The following ZEB1 variants were observed in gnomAD, a reference collection of about 807,000 sequenced individuals.
ZEB1 encodes zinc finger E-box-binding homeobox 1.
Under a neutral mutation model 84.9 loss-of-function variants are expected in ZEB1, and 21 were observed. That is an observed-to-expected ratio of 0.25 (90% CI 0.18 to 0.36). ZEB1 has a LOEUF of 0.36. ZEB1 is among the 10% of genes least tolerant of loss of function. The probability of loss-of-function intolerance (pLI) is 1.00; values close to 1 mark genes in which losing one functional copy is unlikely to be tolerated. For missense variants in ZEB1, 1,104 were observed against 1,330.2 expected (o/e 0.83, Z 2.65); for synonymous variants, 420 against 471.1 (o/e 0.89, Z 1.41).
Position 31,460,915 on chromosome 10 carries a change from ATTAT to A in ZEB1, c.59-118_59-115del, listed in dbSNP as rs2061732820. The A allele has an allele frequency of 3.5e-6, 3 of 845,338 alleles. No homozygotes were observed. The Admixed American group carries it at 6.3e-5, about 18-fold the overall frequency. The allele number at this position is 845,338 out of a possible 1,614,324, so 52.4% of individuals were successfully genotyped here. A position where few individuals can be genotyped will look rare whatever the true frequency, so the allele number is the denominator to read the frequency against. ...GTTGTCAAATAAATTAGTTGTTAAC[ATTAT>A]TTAAAAGAAAACATTGAATTACAAT... On this transcript the variant is annotated intron_variant, in intron 1 of 8. Transcript: ENST00000424869.
intron 1 of ZEB1, among the ~76,000 whole-genome samples, chr10:31,437,112 A>G (rs1334343754): frequency 1.3e-5 from 2 of 152,166 alleles, no homozygotes; most frequent in Non-Finnish European, 2.9e-5. Flanking sequence ...GAAACAAAAT[A>G]CTCAATTTTA....
At chr10:31,343,933 T>C (rs1245763535) in intron 1 of ZEB1, among the ~76,000 whole-genome samples, 1 of 152,118 alleles carries the variant, frequency 6.6e-6, no homozygotes, top group African/African-American at 2.4e-5. Context: ...TTGGGGTCAA[T>C]TTGGCATAAT....
chr10:31,451,685 T>G (rs924771151), intron 1 of ZEB1, among the ~76,000 whole-genome samples: 4 of 152,194 alleles, frequency 2.6e-5, no homozygotes, highest in Non-Finnish European at 5.9e-5. Context: ...GGACTTTGCT[T>G]TTTCACTGTT....
At position 31,336,051 on chromosome 10, in the gene ZEB1, G is replaced by A. The variant is rs78850738; in HGVS notation, c.58+16759G>A. 7.0e-4 allele frequency among the ~76,000 whole-genome samples: 107 copies of A among 152,174 alleles called. 2 individuals carry two copies. The East Asian group carries it at 0.013, about 18-fold the overall frequency. On this transcript the variant is annotated intron_variant, in intron 1 of 8. Coordinates refer to ENST00000424869, the MANE Select transcript of ZEB1 (RefSeq NM_001174096.2). ...TTTATGGAGAAATTATGAAACATTGGCAGACATAAAGATCTAATTAAATAG... is the reference window on the plus strand; with the variant it reads ...TTTATGGAGAAATTATGAAACATTGACAGACATAAAGATCTAATTAAATAG...
At chr10:31,421,346 C>G (rs1167383176) in intron 1 of ZEB1, among the ~76,000 whole-genome samples, 2 of 152,024 alleles carry the variant, frequency 1.3e-5, no homozygotes, top group Admixed American at 1.3e-4. Flanking sequence ...TTGGGACAAC[C>G]ATGTGGTATT....
intron 3 of ZEB1, among the ~76,000 whole-genome samples, chr10:31,501,831 C>T (rs888186998): frequency 1.3e-5 from 2 of 152,140 alleles, no homozygotes; most frequent in African/African-American, 4.8e-5. Flanking sequence ...TGGTCTCCCT[C>T]GCTCGCTCTC....
intron 2 of ZEB1, among the ~76,000 whole-genome samples, chr10:31,481,104 G>A (rs1392178856): frequency 2.0e-5 from 3 of 151,940 alleles, no homozygotes; most frequent in Admixed American, 6.6e-5. Flanking sequence ...AACTACTTAA[G>A]TGTATACTGG....
intron 1 of ZEB1, among the ~76,000 whole-genome samples, chr10:31,454,284 G>A (rs1291494063): frequency 1.3e-5 from 2 of 152,150 alleles, no homozygotes; most frequent in Non-Finnish European, 2.9e-5. Context: ...AGCTATTTAT[G>A]ACAAACCCAC....
intron 1 of ZEB1, 30 bp downstream of exon 1, chr10:31,319,322 G>A: frequency 6.3e-7 from 1 of 1,595,720 alleles, no homozygotes; most frequent in Non-Finnish European, 8.5e-7. Flanking sequence ...GGGGAGCGGC[G>A]GAGTCAGGGG....
chr10:31,410,347 A>G (rs1050478121), intron 1 of ZEB1, among the ~76,000 whole-genome samples: 1 of 152,300 alleles, frequency 6.6e-6, no homozygotes, highest in East Asian at 1.9e-4. Flanking sequence ...CATCCCAGGT[A>G]TGAAGCTGAC....
chr10:31,503,270 T>C (rs947573846), intron 4 of ZEB1, among the ~76,000 whole-genome samples: 2 of 152,132 alleles, frequency 1.3e-5, no homozygotes, highest in African/African-American at 4.8e-5. Flanking sequence ...ATTGAGGAAC[T>C]ACCATTCTGA....
At chr10:31,429,974 C>T (rs2057511019) in intron 1 of ZEB1, among the ~76,000 whole-genome samples, 1 of 151,988 alleles carries the variant, frequency 6.6e-6, no homozygotes, top group Non-Finnish European at 1.5e-5. Flanking sequence ...CTCCTGACGT[C>T]AGGTGATCCA....
At chr10:31,425,525 A>T (rs2056815675) in intron 1 of ZEB1, among the ~76,000 whole-genome samples, 1 of 152,122 alleles carries the variant, frequency 6.6e-6, no homozygotes, top group Non-Finnish European at 1.5e-5. Flanking sequence ...ATTACTGTGT[A>T]TATATTCTAC....
intron 1 of ZEB1, among the ~76,000 whole-genome samples, chr10:31,325,484 T>C (rs1461073760): frequency 6.6e-6 from 1 of 152,066 alleles, no homozygotes; most frequent in Non-Finnish European, 1.5e-5. Flanking sequence ...TAATCAACAT[T>C]ATGTATTTAT....
At chr10:31,385,232 C>G (rs1013388829) in intron 1 of ZEB1, among the ~76,000 whole-genome samples, 2 of 152,174 alleles carry the variant, frequency 1.3e-5, no homozygotes, top group African/African-American at 4.8e-5. Context: ...CCCAAGTTTA[C>G]TACCTGTTTT....
At chr10:31,379,735 A>G (rs1041743134) in intron 1 of ZEB1, among the ~76,000 whole-genome samples, 8 of 151,950 alleles carry the variant, frequency 5.3e-5, no homozygotes, top group African/African-American at 1.9e-4. Flanking sequence ...ACCTTAGTGT[A>G]AAAAATTTCA....
intron 2 of ZEB1, among the ~76,000 whole-genome samples, chr10:31,491,101 T>G (rs1399376281): frequency 6.6e-6 from 1 of 151,792 alleles, no homozygotes; most frequent in African/African-American, 2.4e-5. Context: ...AACAGCCTTA[T>G]GAGGTCACTT....
chr10:31,442,323 CTG>C (rs1323119320), intron 1 of ZEB1, among the ~76,000 whole-genome samples: 8 of 152,062 alleles, frequency 5.3e-5, no homozygotes, highest in Non-Finnish European at 8.8e-5. Flanking sequence ...AAACCAAACA[CTG>C]TACGTTCTCA....
intron 2 of ZEB1, among the ~76,000 whole-genome samples, chr10:31,482,867 A>G (rs938865610): frequency 2.6e-5 from 4 of 152,076 alleles, no homozygotes; most frequent in South Asian, 2.1e-4. Context: ...TCAGAGGATC[A>G]TTCCTAGATC....
Sources: gnomAD v4.1 joint callset for allele counts (sites outside exome capture counted in the v4.1 genomes callset) on GRCh38, gnomAD v4.1.1 for gene constraint, MANE v1.5 for transcripts, NCBI Gene and HGNC (gene_info 2026-07-23, HGNC 2026-07-21) for gene names.